THSD7B: variants seen among roughly 807,000 people sequenced by gnomAD.
The protein encoded by THSD7B is thrombospondin type-1 domain-containing protein 7B.
A neutral mutation model predicts 213.6 loss-of-function variants in THSD7B; 138 were observed. That is an observed-to-expected ratio of 0.65 (90% CI 0.56 to 0.74). THSD7B has a LOEUF of 0.74. THSD7B is among the 30% of genes least tolerant of loss of function. THSD7B has a pLI of 0.00. For synonymous variants in THSD7B, 742 were observed against 687.0 expected, an observed-to-expected ratio of 1.08 and a Z score of -1.25; for missense variants, 1,931 against 1,991.5, an observed-to-expected ratio of 0.97 and a Z score of 0.58.
chr2:137,239,224 G>A (rs891060332), intron 9 of THSD7B, among the ~76,000 whole-genome samples: 4 of 152,080 alleles, frequency 2.6e-5, no homozygotes, highest in African/African-American at 7.2e-5. Flanking sequence ...GCTTCCCCCA[G>A]CTGTAACATC....
At chr2:137,243,639 A>G (rs1184747077) in intron 10 of THSD7B, among the ~76,000 whole-genome samples, 1 of 152,230 alleles carries the variant, frequency 6.6e-6, no homozygotes, top group African/African-American at 2.4e-5. Flanking sequence ...TTTGACTCAC[A>G]TATCTATAGC....
intron 15 of THSD7B, chr2:137,538,618 T>C (rs1680551325): frequency 2.6e-6 from 1 of 392,134 alleles, no homozygotes; most frequent in South Asian, 1.9e-5. Context: ...TGTTCACATA[T>C]GACAGAAAAA....
Position 137,231,342 on chromosome 2 carries a change from C to A in THSD7B, c.1915+107C>A. The A allele has an allele frequency of 2.8e-6, 3 of 1,062,314 alleles. No individual in the cohort carries two copies. In the Middle Eastern group the frequency reaches 6.9e-4, roughly 245 times the overall value. The allele number at this position is 1,062,314 out of a possible 1,614,324, so 65.8% of individuals were successfully genotyped here. A position where few individuals can be genotyped will look rare whatever the true frequency, so the allele number is the denominator to read the frequency against. ...TATGGAGGAAATAGTCACACATAGA[C>A]GATATCTCTATTCCCTGAATCCAGA... On this transcript the variant is annotated intron_variant, in intron 8 of 27. Transcript: ENST00000409968.
chr2:136,815,383 T>G (rs1284537109), intron 1 of THSD7B, among the ~76,000 whole-genome samples: 1 of 152,114 alleles, frequency 6.6e-6, no homozygotes, highest in Non-Finnish European at 1.5e-5. Flanking sequence ...TATAGAATAT[T>G]TAGATTAATA....
chr2:137,424,837 C>T (rs1165719855), intron 14 of THSD7B, among the ~76,000 whole-genome samples: 2 of 151,770 alleles, frequency 1.3e-5, no homozygotes, highest in Admixed American at 6.6e-5. Context: ...TTTGGGAGGC[C>T]GAGGGAGGCA....
intron 17 of THSD7B, among the ~76,000 whole-genome samples, chr2:137,607,141 G>A (rs1334338846): frequency 6.1e-5 from 9 of 148,400 alleles, no homozygotes; most frequent in Middle Eastern, 3.2e-3. Flanking sequence ...GACTTCACTC[G>A]TGTTATTCAT....
intron 1 of THSD7B, among the ~76,000 whole-genome samples, chr2:136,804,436 AC>A (rs1682249283): frequency 1.4e-5 from 2 of 145,370 alleles, no homozygotes; most frequent in Non-Finnish European, 3.0e-5. Context: ...ACACACACAC[AC>A]ACCCTTACCC....
At chr2:137,561,916 T>C (rs375781975) in intron 15 of THSD7B, among the ~76,000 whole-genome samples, 35 of 152,282 alleles carry the variant, frequency 2.3e-4, no homozygotes, top group African/African-American at 7.5e-4. Context: ...ACATATTTGT[T>C]ACTTTGTGTT....
intron 2 of THSD7B, among the ~76,000 whole-genome samples, chr2:136,943,973 T>C (rs1684879618): frequency 6.6e-6 from 1 of 152,322 alleles, no homozygotes; most frequent in African/African-American, 2.4e-5. Flanking sequence ...ATTGTGATGT[T>C]AGGGTGTCAA....
chr2:137,256,411 G>A (rs151212594), intron 10 of THSD7B, among the ~76,000 whole-genome samples: 4 of 152,302 alleles, frequency 2.6e-5, no homozygotes, highest in Admixed American at 2.6e-4. Flanking sequence ...AGACTTAGTA[G>A]ATCAGGAGTT....
chr2:136,994,711 C>T (rs977181305), intron 2 of THSD7B, among the ~76,000 whole-genome samples: 2 of 152,160 alleles, frequency 1.3e-5, no homozygotes, highest in Non-Finnish European at 2.9e-5. Flanking sequence ...CACTCCTTTA[C>T]ACGTATATGT....
At chr2:137,177,063 A>C (rs1394228748) in intron 7 of THSD7B, among the ~76,000 whole-genome samples, 1 of 152,254 alleles carries the variant, frequency 6.6e-6, no homozygotes, top group Admixed American at 6.5e-5. Context: ...TAGTTTTTAA[A>C]GAATTACCTT....
At chr2:137,034,842 A>G (rs1283032869) in intron 2 of THSD7B, among the ~76,000 whole-genome samples, 1 of 152,152 alleles carries the variant, frequency 6.6e-6, no homozygotes, top group Non-Finnish European at 1.5e-5. Context: ...TCTATAATTG[A>G]TGGGCGTTTG....
chr2:137,589,239 A>G (rs1681811330), intron 17 of THSD7B, among the ~76,000 whole-genome samples: 1 of 152,208 alleles, frequency 6.6e-6, no homozygotes, highest in Non-Finnish European at 1.5e-5. Context: ...AAATAAAAAA[A>G]TACTTATTTA....
intron 4 of THSD7B, among the ~76,000 whole-genome samples, chr2:137,104,973 A>G (rs1304216651): frequency 1.3e-5 from 2 of 152,254 alleles, no homozygotes; most frequent in Non-Finnish European, 2.9e-5. Flanking sequence ...GAATTCTACC[A>G]GAGGTTCAAA....
chr2:137,581,442 G>A (rs1681572838), intron 17 of THSD7B, among the ~76,000 whole-genome samples: 1 of 152,038 alleles, frequency 6.6e-6, no homozygotes, highest in African/African-American at 2.4e-5. Context: ...GCAAAAATTA[G>A]CCCAGCGTGG....
chr2:137,035,821 A>C (rs910077806), intron 2 of THSD7B, among the ~76,000 whole-genome samples: 2 of 152,310 alleles, frequency 1.3e-5, no homozygotes, highest in East Asian at 3.9e-4. Context: ...TCCCATAACT[A>C]TAATGTTTTA....
At chr2:137,456,572 T>G (rs971095629) in intron 15 of THSD7B, among the ~76,000 whole-genome samples, 2 of 152,232 alleles carry the variant, frequency 1.3e-5, no homozygotes, top group Non-Finnish European at 2.9e-5. Context: ...GACGTAGAAC[T>G]TTGGCAGGAG....
intron 14 of THSD7B, among the ~76,000 whole-genome samples, chr2:137,423,081 T>C (rs1686962583): frequency 6.6e-6 from 1 of 152,130 alleles, no homozygotes; most frequent in African/African-American, 2.4e-5. Flanking sequence ...ACAGAACTTC[T>C]AAACAAATGG....
Sources: gnomAD v4.1 joint callset for allele counts (sites outside exome capture counted in the v4.1 genomes callset) on GRCh38, gnomAD v4.1.1 for gene constraint, MANE v1.5 for transcripts, NCBI Gene and HGNC (gene_info 2026-07-23, HGNC 2026-07-21) for gene names.